The following SMCO3 variants were observed in gnomAD, a reference collection of about 807,000 sequenced individuals.
The protein encoded by SMCO3 is single-pass membrane and coiled-coil domain-containing protein 3.
A neutral mutation model predicts 12.0 loss-of-function variants in SMCO3; 6 were observed. That is an observed-to-expected ratio of 0.50 (90% CI 0.27 to 0.99). The LOEUF (loss-of-function observed/expected upper bound fraction) is 0.99, where lower values mean the gene tolerates loss of function less well. Ranked by LOEUF, SMCO3 falls within the 50% of genes least tolerant of loss-of-function variation. The pLI is 0.11. For missense variants in SMCO3, 279 were observed against 265.0 expected (o/e 1.05, Z -0.37); for synonymous variants, 96 against 96.4 (o/e 1.00, Z 0.02).
At position 14,806,352 on chromosome 12, in the gene SMCO3, A is replaced by G; in HGVS notation, c.329T>C (p.Ile110Thr). Residue 110 changes from isoleucine to threonine, a missense_variant, in exon 2 of 2, where the codon ATT (isoleucine) becomes ACT (threonine). By Grantham distance (89) the Ile-to-Thr change is moderately conservative. Transcript: ENST00000316048. ...CGAAATAACCTTTTGCACTATTGCA[A>G]TTTTGTCTGTTTCCTTTTCCTTAAT... is the stretch of plus-strand genomic sequence containing the variant. ...QDIKEKETDK[I>T]AIVQKVISVI... 1.2e-6 allele frequency: 2 copies of G among 1,614,174 alleles called. No homozygotes were observed. Among genetic ancestry groups the G allele is most frequent in the South Asian group, 1.1e-5 (1 of 91,082 alleles).
intron 1 of SMCO3, among the ~76,000 whole-genome samples, chr12:14,809,361 A>T (rs1162455757): frequency 1.3e-5 from 2 of 151,904 alleles, no homozygotes; most frequent in Admixed American, 6.6e-5. Flanking sequence ...GGTGAGCCTT[A>T]TTTTTTTTCA....
At chr12:14,806,798 G>A (rs918532740) in intron 1 of SMCO3, 102 bp from the exon 2 acceptor site, 2 of 1,036,164 alleles carry the variant, frequency 1.9e-6, no homozygotes, top group Non-Finnish European at 2.8e-6. Flanking sequence ...TAGCAAAGAA[G>A]CAAGATGCTG....
intron 1 of SMCO3, among the ~76,000 whole-genome samples, chr12:14,810,866 A>G (rs1950125605): frequency 6.6e-6 from 1 of 152,196 alleles, no homozygotes. Flanking sequence ...CACTCAGCAA[A>G]ACAAAAGCCC....
rs1272769323 is a variant in SMCO3, at chr12:14,805,690, G to A, written c.*313C>T. ...TAAGAATTTTACTGAAATTAGAAAA[G>A]AGAAAAGTAACCCCTATACTTGCTA... On this transcript the variant is annotated 3_prime_UTR_variant, in exon 2 of 2. Coordinates refer to ENST00000316048, the MANE Select transcript of SMCO3 (RefSeq NM_001013698.2). 1 of 232,462 alleles carries A rather than the reference G, an allele frequency of 4.3e-6. No individual in the cohort carries two copies. Among genetic ancestry groups the A allele is most frequent in the African/African-American group, 2.3e-5 (1 of 44,332 alleles). 14.4% of individuals were successfully genotyped at this position (232,462 alleles called of 1,614,324 possible).
chr12:14,807,291 C>T (rs188050297), intron 1 of SMCO3, among the ~76,000 whole-genome samples: 209 of 152,260 alleles, frequency 1.4e-3, no homozygotes, highest in Admixed American at 3.7e-3. Context: ...TATTAATAAG[C>T]GTGATTATTT....
At chr12:14,813,700 A>G (rs191335069) in intron 1 of SMCO3, among the ~76,000 whole-genome samples, 1 of 152,326 alleles carries the variant, frequency 6.6e-6, no homozygotes, top group Non-Finnish European at 1.5e-5. Context: ...TATAAGTACT[A>G]TACATTAACC....
At position 14,806,357 on chromosome 12, in the gene SMCO3, G is replaced by C; in HGVS notation, c.324C>G (p.Asp108Glu). ...KLQDIKEKET[D>E]KIAIVQKVIS... ...TAACCTTTTGCACTATTGCAATTTT[G>C]TCTGTTTCCTTTTCCTTAATATCCT... is the stretch of plus-strand genomic sequence containing the variant. Residue 108 changes from aspartate (D) to glutamate (E), a missense_variant, in exon 2 of 2, where the codon GAC becomes GAG. Coordinates refer to ENST00000316048, the MANE Select transcript of SMCO3 (RefSeq NM_001013698.2). 3 of 1,614,194 alleles carry C rather than the reference G, an allele frequency of 1.9e-6. No homozygotes were observed. Among genetic ancestry groups the C allele is most frequent in the Non-Finnish European group, 2.5e-6 (3 of 1,180,036 alleles).
chr12:14,805,901 G>T lies in SMCO3; in HGVS notation c.*102C>A. ...TCTCCAAATTGTTTATCTTATTTAAGTCCATATTGGAAGCCTATAGAAAAT... is the reference window on the plus strand; with the variant it reads ...TCTCCAAATTGTTTATCTTATTTAATTCCATATTGGAAGCCTATAGAAAAT... On this transcript the variant is annotated 3_prime_UTR_variant, in exon 2 of 2. Coordinates refer to ENST00000316048, the MANE Select transcript of SMCO3 (RefSeq NM_001013698.2). 8.6e-7 allele frequency: 1 copy of T among 1,160,836 alleles called. No homozygotes were observed. Among genetic ancestry groups the T allele is most frequent in the Non-Finnish European group, 1.2e-6 (1 of 816,562 alleles). The allele number at this position is 1,160,836 out of a possible 1,614,324, so 71.9% of individuals were successfully genotyped here.
chr12:14,807,244 G>A (rs1950066046), intron 1 of SMCO3, among the ~76,000 whole-genome samples: 1 of 152,202 alleles, frequency 6.6e-6, no homozygotes, highest in African/African-American at 2.4e-5. Context: ...AGATTTTGTG[G>A]TGGTGAGAAA....
chr12:14,809,724 A>G (rs890704461), intron 1 of SMCO3, among the ~76,000 whole-genome samples: 1 of 152,214 alleles, frequency 6.6e-6, no homozygotes, highest in Non-Finnish European at 1.5e-5. Context: ...ATAAAAAAAA[A>G]GCACATGCAA....
chr12:14,806,177 A>G lies in SMCO3; in HGVS notation c.504T>C (p.Leu168=). The G allele has an allele frequency of 6.2e-7, 1 of 1,614,170 alleles. No individual in the cohort carries two copies. The highest frequency in any genetic ancestry group is 8.5e-7 in the Non-Finnish European group (1 of 1,180,042). ...GGACAATCATATCTATGCCAAGGCCAAGAACAGCAACTCCAATACTACCAA... is the reference window on the plus strand; with the variant it reads ...GGACAATCATATCTATGCCAAGGCCGAGAACAGCAACTCCAATACTACCAA... ...SLLGSIGVAV[L]GLGIDMIVRA... The change falls in exon 2 of 2, where the codon CTT becomes CTC. Residue 168 remains leucine, a synonymous_variant. Transcript: ENST00000316048.
chr12:14,813,857 T>C (rs1367408754), intron 1 of SMCO3, among the ~76,000 whole-genome samples: 8 of 152,220 alleles, frequency 5.3e-5, no homozygotes, highest in African/African-American at 7.2e-5. Context: ...TTAGAATTGA[T>C]GTCTTTACTG....
In SMCO3 at chr12:14,805,839, T is replaced by G; in HGVS notation, c.*164A>C. On this transcript the variant is annotated 3_prime_UTR_variant, in exon 2 of 2. Coordinates refer to ENST00000316048, the MANE Select transcript of SMCO3 (RefSeq NM_001013698.2). ...GATCCAGGCATTGTTGACTCAAAAC[T>G]CATCTAGTCATCTAGTCTTGGCATC... 4.1e-6 allele frequency: 3 copies of G among 729,298 alleles called. No individual in the cohort carries two copies. The highest frequency in any genetic ancestry group is 6.6e-6 in the Non-Finnish European group (3 of 456,264). 45.2% of individuals were successfully genotyped at this position (729,298 alleles called of 1,614,324 possible). A position where few individuals can be genotyped will look rare whatever the true frequency, so the allele number is the denominator to read the frequency against.
rs1200336747 is a variant in SMCO3 at position 14,805,845 on chromosome 12, A to G, written c.*158T>C. The G allele has an allele frequency of 2.7e-6, 2 of 748,680 alleles. No homozygotes were observed. The highest frequency in any genetic ancestry group is 4.2e-6 in the Non-Finnish European group (2 of 472,552). The allele number at this position is 748,680 out of a possible 1,614,324, so 46.4% of individuals were successfully genotyped here. On this transcript the variant is annotated 3_prime_UTR_variant, in exon 2 of 2. Transcript: ENST00000316048. ...GGCATTGTTGACTCAAAACTCATCT[A>G]GTCATCTAGTCTTGGCATCTCCAGT... is the stretch of plus-strand genomic sequence containing the variant.
chr12:14,810,398 A>G (rs1950118183), intron 1 of SMCO3, among the ~76,000 whole-genome samples: 1 of 152,232 alleles, frequency 6.6e-6, no homozygotes, highest in Non-Finnish European at 1.5e-5. Context: ...GAAGAAGGCA[A>G]TTATTGATTC....
chr12:14,806,214 C>T lies in SMCO3; in HGVS notation c.467G>A (p.Gly156Asp). 6.2e-7 allele frequency: 1 copy of T among 1,614,116 alleles called. No homozygotes were observed. Among genetic ancestry groups the T allele is most frequent in the Non-Finnish European group, 8.5e-7 (1 of 1,180,008 alleles). Reference protein sequence around the residue: ...NKLVTVLAQIGASLLGSIGVA... With the variant: ...NKLVTVLAQIDASLLGSIGVA... ...TCCAATACTACCAAGGAGAGAAGCACCAATTTGAGCTAACACAGTGACCAA... is the reference window on the plus strand; with the variant it reads ...TCCAATACTACCAAGGAGAGAAGCATCAATTTGAGCTAACACAGTGACCAA... Residue 156 changes from glycine to aspartate, a missense_variant, in exon 2 of 2, where the codon GGT (glycine) becomes GAT (aspartate). Physicochemically the swap from Gly to Asp is moderately conservative, Grantham distance 94 (BLOSUM62 -1). Transcript: ENST00000316048.
In SMCO3 at chr12:14,805,081, C is replaced by T. The variant is rs1245900081; in HGVS notation, c.*922G>A. The T allele has an allele frequency of 1.3e-5, 2 of 152,090 alleles. No individual in the cohort carries two copies. Among genetic ancestry groups the T allele is most frequent in the Admixed American group, 6.6e-5 (1 of 15,264 alleles). The allele number at this position is 152,090 out of a possible 1,614,324, so 9.4% of individuals were successfully genotyped here. ...AAAATCAGGTAATTAGTGAAATGGC[C>T]CACCTAATGCGTCATGTAGCAAAGG... On this transcript the variant is annotated 3_prime_UTR_variant, in exon 2 of 2. Transcript: ENST00000316048.
chr12:14,807,498 G>A (rs533169315), intron 1 of SMCO3, among the ~76,000 whole-genome samples: 1 of 152,198 alleles, frequency 6.6e-6, no homozygotes, highest in South Asian at 2.1e-4. Flanking sequence ...TTACAGGGCT[G>A]TTTTTTGTAT....
chr12:14,806,465 G>A lies in SMCO3; in HGVS notation c.216C>T (p.Ala72=), dbSNP rs944849370. ...IKENCDLIIQ[A]IMKIQKELQK... is the part of the protein sequence containing the mutation. ...GCAATTCCTTTTGGATTTTCATAATGGCTTGGATGATGAGGTCACAGTTTT... is the reference window on the plus strand; with the variant it reads ...GCAATTCCTTTTGGATTTTCATAATAGCTTGGATGATGAGGTCACAGTTTT... The change falls in exon 2 of 2, where the codon GCC becomes GCT. Residue 72 remains alanine, a synonymous_variant. Transcript: ENST00000316048. 3.7e-6 allele frequency: 6 copies of A among 1,613,996 alleles called. No individual in the cohort carries two copies. In the African/African-American group the frequency reaches 8.0e-5, roughly 22 times the overall value.
Sources: gnomAD v4.1 joint callset for allele counts (sites outside exome capture counted in the v4.1 genomes callset) on GRCh38, gnomAD v4.1.1 for gene constraint, MANE v1.5 for transcripts, NCBI Gene and HGNC (gene_info 2026-07-23, HGNC 2026-07-21) for gene names.